Variants in YJU2 observed in about 807,000 individuals in gnomAD.
The protein encoded by YJU2 is splicing factor YJU2.
In YJU2, 28 loss-of-function variants were observed where a neutral mutation model predicts 39.6. The observed-to-expected ratio is 0.71, with a 90% confidence interval of 0.52 to 0.97. The LOEUF is 0.97. Among genes scored for constraint, YJU2 ranks in the 50% least tolerant of loss-of-function variants. The pLI, the probability that YJU2 is intolerant of heterozygous loss-of-function variation, is 0.00. For synonymous variants in YJU2, 184 were observed against 182.4 expected, an observed-to-expected ratio of 1.01 and a Z score of -0.07; for missense variants, 328 against 430.4, an observed-to-expected ratio of 0.76 and a Z score of 2.11.
intron 3 of YJU2, among the ~76,000 whole-genome samples, chr19:4,253,328 G>A (rs1970993081): frequency 6.6e-6 from 1 of 151,994 alleles, no homozygotes; most frequent in Admixed American, 6.6e-5. Context: ...CTGTAATCCC[G>A]GCACTTTGGA....
intron 5 of YJU2, among the ~76,000 whole-genome samples, chr19:4,261,519 G>A (rs1386287764): frequency 6.6e-6 from 1 of 151,772 alleles, no homozygotes; most frequent in Admixed American, 6.6e-5. Context: ...AAATTAGCCG[G>A]GTGTGGTGGC....
rs939304676 is a variant in YJU2, at chr19:4,264,201, G to T, written c.708+2087G>T. 1.7e-4 allele frequency among the ~76,000 whole-genome samples: 23 copies of T among 135,808 alleles called. 1 individual carries two copies. Among genetic ancestry groups the T allele is most frequent in the African/African-American group, 6.2e-4 (22 of 35,588 alleles). 89.1% of individuals were successfully genotyped at this position (135,808 alleles called of 152,430 possible). On this transcript the variant is annotated intron_variant, in intron 6 of 7. Coordinates refer to ENST00000262962, the MANE Select transcript of YJU2 (RefSeq NM_018074.6). ...GGCGTGAACCCAGGAGGTGGAGCTTGCAGTGAGCCGAGATTGTGCCACTGC... is the reference window on the plus strand; with the variant it reads ...GGCGTGAACCCAGGAGGTGGAGCTTTCAGTGAGCCGAGATTGTGCCACTGC...
At chr19:4,264,708 A>G (rs1431764375) in intron 6 of YJU2, among the ~76,000 whole-genome samples, 1 of 151,982 alleles carries the variant, frequency 6.6e-6, no homozygotes, top group Non-Finnish European at 1.5e-5. Context: ...GCTGATCTAG[A>G]ACTCCTGACC....
intron 1 of YJU2, among the ~76,000 whole-genome samples, chr19:4,248,484 G>A (rs1458308755): frequency 2.0e-5 from 3 of 152,196 alleles, no homozygotes; most frequent in African/African-American, 7.2e-5. Context: ...AGATGACTCT[G>A]TAGGAAACGG....
intron 3 of YJU2, 22 bp from the exon 4 acceptor site, chr19:4,254,333 T>C (rs764502186): frequency 4.3e-5 from 68 of 1,589,684 alleles, no homozygotes; most frequent in Non-Finnish European, 5.6e-5. Context: ...TAGGAGCTGA[T>C]GTCTGTCTAT....
In YJU2 at chr19:4,258,392, C is replaced by A. The variant is rs1270527527; in HGVS notation, c.556C>A (p.Gln186Lys). The part of the protein sequence containing the change: ...HRLSEEERRR[Q>K]QQEEDEQETA... ...CCTGTCGGAGGAGGAGCGGCGGAGG[C>A]AGCAGCAGGAGGAGGACGAGCAGGA... Residue 186 changes from glutamine to lysine, a missense_variant, in exon 5 of 8, where the codon CAG (glutamine) becomes AAG (lysine). Gln to Lys is a moderately conservative substitution (Grantham distance 53). Transcript: ENST00000262962. 1.3e-6 allele frequency: 2 copies of A among 1,596,534 alleles called. No homozygotes were observed. Among genetic ancestry groups the A allele is most frequent in the African/African-American group, 2.7e-5 (2 of 74,814 alleles).
intron 7 of YJU2, among the ~76,000 whole-genome samples, 183 bp downstream of exon 7, chr19:4,267,957 CTTTTTTTT>C (rs1174345223): frequency 1.4e-5 from 2 of 143,022 alleles, no homozygotes; most frequent in Admixed American, 1.4e-4. Flanking sequence ...TTTCTTTTTT[CTTTTTTTT>C]TTTTTGAGAC....
At position 4,253,817 on chromosome 19, in the gene YJU2, A is replaced by G. The variant is rs570030688; in HGVS notation, c.271-538A>G. Reference sequence around the variant, plus strand: ...GGGCAGAAATCACAACATGTGCAGAACCTTGGAGATTTTTTTTTTTTTTTG... The same window carrying G: ...GGGCAGAAATCACAACATGTGCAGAGCCTTGGAGATTTTTTTTTTTTTTTG... On this transcript the variant is annotated intron_variant, in intron 3 of 7. Transcript: ENST00000262962. 9.4e-5 allele frequency among the ~76,000 whole-genome samples: 13 copies of G among 137,930 alleles called. No homozygotes were observed. The South Asian group carries it at 1.9e-3, about 20-fold the overall frequency. The allele number at this position is 137,930 out of a possible 152,430, so 90.5% of individuals were successfully genotyped here.
rs1203376255 is a variant in YJU2, at chr19:4,269,057, C to CT, written c.*362dup. ...TGGCCTCATCTCTTCCTTCCACAAA[C>CT]TGTCTAGAACCAATAAAAGGAAACC... On this transcript the variant is annotated 3_prime_UTR_variant, in exon 8 of 8. Coordinates refer to ENST00000262962, the MANE Select transcript of YJU2 (RefSeq NM_018074.6). 2 of 221,862 alleles carry CT rather than the reference C, an allele frequency of 9.0e-6. No homozygotes were observed. Among genetic ancestry groups the CT allele is most frequent in the African/African-American group, 4.6e-5 (2 of 43,584 alleles). The allele number at this position is 221,862 out of a possible 1,614,324, so 13.7% of individuals were successfully genotyped here. A position where few individuals can be genotyped will look rare whatever the true frequency, so the allele number is the denominator to read the frequency against.
In YJU2 at chr19:4,247,094, A is replaced by C; in HGVS notation, c.-53A>C. 6.3e-7 allele frequency: 1 copy of C among 1,582,038 alleles called. No individual in the cohort carries two copies. Among genetic ancestry groups the C allele is most frequent in the Non-Finnish European group, 8.7e-7 (1 of 1,150,750 alleles). ...AGGCTTCCGTCGGAAAAGCTCGATA[A>C]TTACCCAGCCTAACCATTTCTCAGG... On this transcript the variant is annotated 5_prime_UTR_variant, in exon 1 of 8. Coordinates refer to ENST00000262962, the MANE Select transcript of YJU2 (RefSeq NM_018074.6).
At chr19:4,258,601 C>CG (rs1345951283) in intron 5 of YJU2, among the ~76,000 whole-genome samples, 178 bp downstream of exon 5, 5 of 152,240 alleles carry the variant, frequency 3.3e-5, no homozygotes, top group Non-Finnish European at 5.9e-5. Context: ...AGGCCACTGC[C>CG]GGGCACGGTG....
At chr19:4,249,086 C>T (rs750706652) in intron 1 of YJU2, 142 bp from the exon 2 acceptor site, 2 of 612,498 alleles carry the variant, frequency 3.3e-6, no homozygotes, top group Non-Finnish European at 5.9e-6. Flanking sequence ...TGTACTGAGT[C>T]CTGCGAGTCC....
At chr19:4,258,474 C>A in intron 5 of YJU2, 51 bp downstream of exon 5, 2 of 1,533,366 alleles carry the variant, frequency 1.3e-6, no homozygotes, top group Non-Finnish European at 8.8e-7. Flanking sequence ...TCTGCCCCGG[C>A]AGGCGCTGCC....
chr19:4,258,154 G>A (rs937678971), intron 4 of YJU2, 88 bp from the exon 5 acceptor site: 44 of 1,497,690 alleles, frequency 2.9e-5, no homozygotes, highest in African/African-American at 2.6e-4. Flanking sequence ...GGTTCCTCCC[G>A]TGGCCCGCAG....
intron 4 of YJU2, among the ~76,000 whole-genome samples, chr19:4,256,298 C>G (rs1188854042): frequency 6.7e-6 from 1 of 149,716 alleles, no homozygotes; most frequent in African/African-American, 2.4e-5. Context: ...CTCCTGCTTC[C>G]ATATTTCCCA....
chr19:4,266,115 G>A (rs1971113603), intron 6 of YJU2, among the ~76,000 whole-genome samples: 2 of 151,904 alleles, frequency 1.3e-5, no homozygotes, highest in Admixed American at 1.3e-4. Context: ...CACCAAGCCT[G>A]GCTAATTTCT....
At chr19:4,254,304 A>T (rs376858122) in intron 3 of YJU2, 51 bp from the exon 4 acceptor site, 2 of 1,381,300 alleles carry the variant, frequency 1.4e-6, no homozygotes, top group Non-Finnish European at 2.1e-6. Flanking sequence ...ACTTTAGAAG[A>T]TTCTAGTGCC....
intron 2 of YJU2, 43 bp from the exon 3 acceptor site, chr19:4,250,984 C>T (rs770936339): frequency 6.3e-7 from 1 of 1,586,992 alleles, no homozygotes; most frequent in South Asian, 1.1e-5. Context: ...CAGTGGGAGC[C>T]AGCGTCCCAA....
intron 1 of YJU2, 105 bp downstream of exon 1, chr19:4,247,275 A>G (rs1599494122): frequency 9.2e-7 from 1 of 1,088,916 alleles, no homozygotes; most frequent in South Asian, 1.4e-5. Context: ...CTTCTTTCCC[A>G]GCGGCCTTCC....
Sources: gnomAD v4.1 joint callset for allele counts (sites outside exome capture counted in the v4.1 genomes callset) on GRCh38, gnomAD v4.1.1 for gene constraint, MANE v1.5 for transcripts, NCBI Gene and HGNC (gene_info 2026-07-23, HGNC 2026-07-21) for gene names.